Variants in SLC1A6 observed in about 807,000 individuals in gnomAD.
SLC1A6 encodes excitatory amino acid transporter 4.
SLC1A6 carries 15 observed loss-of-function variants against 42.1 expected under a neutral mutation model. The observed-to-expected ratio is 0.36, with a 90% CI of 0.24 to 0.55. The LOEUF (loss-of-function observed/expected upper bound fraction) is 0.55, where lower values mean the gene tolerates loss of function less well. Among genes scored for constraint, SLC1A6 ranks in the 20% least tolerant of loss-of-function variants. The pLI, the probability that SLC1A6 is intolerant of heterozygous loss-of-function variation, is 0.88. For synonymous variants in SLC1A6, 317 were observed against 319.7 expected, an observed-to-expected ratio of 0.99 and a Z score of 0.09; for missense variants, 542 against 772.5, an observed-to-expected ratio of 0.70 and a Z score of 3.54.
chr19:14,950,466 G>C (rs1326677020), intron 9 of SLC1A6, 76 bp from the exon 10 acceptor site: 2 of 1,169,606 alleles, frequency 1.7e-6, no homozygotes, highest in Admixed American at 2.4e-5. Context: ...AGCAGAGGGG[G>C]GTCCCTGTGC....
intron 1 of SLC1A6, chr19:14,974,169 C>A (rs1401271959): frequency 1.3e-5 from 2 of 152,066 alleles, no homozygotes; most frequent in African/African-American, 4.8e-5. Flanking sequence ...CCAGCCTGGC[C>A]AACACAGTGA....
intron 1 of SLC1A6, chr19:14,973,264 A>G (rs556833698): frequency 1.1e-4 from 26 of 232,294 alleles, no homozygotes; most frequent in Non-Finnish European, 2.2e-4. Flanking sequence ...CCCTCCAAAA[A>G]AGCACAAAGG....
intron 8 of SLC1A6, 26 bp from the exon 9 acceptor site, chr19:14,953,088 A>G (rs1170863644): frequency 1.9e-6 from 3 of 1,588,578 alleles, no homozygotes; most frequent in Non-Finnish European, 2.6e-6. Flanking sequence ...GAACATGGGG[A>G]GCAGATGGAG....
At chr19:14,994,744 T>C (rs900372202) in intron 1 of SLC1A6, among the ~76,000 whole-genome samples, 3 of 152,216 alleles carry the variant, frequency 2.0e-5, no homozygotes, top group Admixed American at 6.5e-5. Context: ...CTTGCCTTTC[T>C]ATTGCTTAAA....
upstream of SLC1A6, chr19:14,980,121 G>A (rs764054534): frequency 3.4e-3 from 514 of 152,406 alleles, 4 homozygotes; most frequent in Non-Finnish European, 4.7e-3. Flanking sequence ...TTCTCCTTGC[G>A]GGTGCACCTT....
chr19:15,004,816 G>A (rs973673969), intron 1 of SLC1A6, among the ~76,000 whole-genome samples: 1 of 152,168 alleles, frequency 6.6e-6, no homozygotes, highest in African/African-American at 2.4e-5. Flanking sequence ...AGGTATTTAG[G>A]CTTGGAGAGT....
At chr19:15,010,236 A>G (rs1361087384) in intron 1 of SLC1A6, among the ~76,000 whole-genome samples, 1 of 148,274 alleles carries the variant, frequency 6.7e-6, no homozygotes. Flanking sequence ...AGAAAAGAAA[A>G]GAAAAGAAAA....
At chr19:15,010,527 G>C (rs1278311936) in exon 1 of SLC1A6, 1 of 620,994 alleles carries the variant, frequency 1.6e-6, no homozygotes, top group Admixed American at 2.1e-5. Context: ...GAAGCGCTTA[G>C]GACATCCTAA....
chr19:14,980,529 C>G (rs868527126), upstream of SLC1A6, among the ~76,000 whole-genome samples: 1 of 152,006 alleles, frequency 6.6e-6, no homozygotes, highest in African/African-American at 2.4e-5. Context: ...CGGTGGCTCA[C>G]GCCTGTAATC....
In SLC1A6 at chr19:14,955,943, G is replaced by GA. The variant is rs202175929; in HGVS notation, c.1169+532dup. 4.9e-4 allele frequency among the ~76,000 whole-genome samples: 73 copies of GA among 148,422 alleles called. 1 individual carries two copies. The highest frequency in any genetic ancestry group is 1.3e-3 in the South Asian group (6 of 4,654). On this transcript the variant is annotated intron_variant, in intron 7 of 9. Coordinates refer to ENST00000594383, the MANE Select transcript of SLC1A6 (RefSeq NM_005071.3). ...GAGTGAGACTCTGTCTCAAAAAAAA[G>GA]AAAAAAAAAATTCTTCCATCTTTTT...
At chr19:15,010,193 A>G (rs538637530) in intron 1 of SLC1A6, among the ~76,000 whole-genome samples, 13,751 of 107,834 alleles carry the variant, frequency 0.13, 748 homozygotes, top group East Asian at 0.21. Context: ...GAAAAAAAAA[A>G]AAAAGAAAGA....
At chr19:15,007,151 C>T (rs1453745885) in intron 1 of SLC1A6, among the ~76,000 whole-genome samples, 2 of 152,020 alleles carry the variant, frequency 1.3e-5, no homozygotes, top group African/African-American at 4.8e-5. Context: ...CATCATTGGT[C>T]AGATGGATAA....
At chr19:14,960,832 G>A (rs2045503519) in intron 6 of SLC1A6, among the ~76,000 whole-genome samples, 1 of 151,934 alleles carries the variant, frequency 6.6e-6, no homozygotes, top group African/African-American at 2.4e-5. Context: ...GGAGAAATAA[G>A]TTCAAGAGAT....
chr19:14,958,417 A>G (rs2045481636), intron 6 of SLC1A6, among the ~76,000 whole-genome samples: 1 of 152,082 alleles, frequency 6.6e-6, no homozygotes, highest in Non-Finnish European at 1.5e-5. Flanking sequence ...TCTCAAAAAA[A>G]AAAAAAAATT....
Position 14,962,310 on chromosome 19 carries a change from C to T in SLC1A6, c.627G>A (p.Arg209=), listed in dbSNP as rs370907289. Residue 209 remains arginine, a synonymous_variant, in exon 6 of 10, where the codon AGG becomes AGA. Transcript: ENST00000594383. ...ACCCGTTCTCTGTCCTCACCATGGT[C>T]CTGGTTACCACCCTCGTGCTGTACT... ...KTQYSTRVVT[R]TMVRTENGSE... is the part of the protein sequence containing the mutation. The T allele has an allele frequency of 8.7e-6, 14 of 1,614,126 alleles. No homozygotes were observed. The highest frequency in any genetic ancestry group is 1.2e-5 in the Non-Finnish European group (14 of 1,179,998).
chr19:14,989,820 C>G (rs561471661), intron 1 of SLC1A6, among the ~76,000 whole-genome samples: 2 of 151,220 alleles, frequency 1.3e-5, no homozygotes, highest in South Asian at 4.2e-4. Flanking sequence ...GGTGAAAACC[C>G]ATCTGTACTA....
intron 1 of SLC1A6, among the ~76,000 whole-genome samples, chr19:14,975,765 AG>A (rs2045698545): frequency 1.3e-4 from 2 of 15,104 alleles, no homozygotes; most frequent in Non-Finnish European, 2.7e-4. Flanking sequence ...AAAAAAAAAA[AG>A]GAAAAAAAAA....
intron 5 of SLC1A6, 141 bp from the exon 6 acceptor site, chr19:14,962,486 A>G (rs2045525677): frequency 3.2e-6 from 2 of 632,668 alleles, no homozygotes; most frequent in Non-Finnish European, 5.6e-6. Context: ...ATCACTCATT[A>G]TCGACTATCA....
At chr19:14,991,610 A>G (rs1356122852) in intron 1 of SLC1A6, among the ~76,000 whole-genome samples, 3 of 128,076 alleles carry the variant, frequency 2.3e-5, no homozygotes, top group African/African-American at 3.2e-5. Flanking sequence ...TGACAGAGGG[A>G]GACTCTGTGT....
Sources: gnomAD v4.1 joint callset for allele counts (sites outside exome capture counted in the v4.1 genomes callset) on GRCh38, gnomAD v4.1.1 for gene constraint, MANE v1.5 for transcripts, NCBI Gene and HGNC (gene_info 2026-07-23, HGNC 2026-07-21) for gene names.